Variants in DBF4 observed in about 807,000 individuals in gnomAD.
DBF4 encodes protein DBF4 homolog A.
Under a neutral mutation model 76.6 loss-of-function variants are expected in DBF4, and 25 were observed. The observed-to-expected ratio is 0.33, with a 90% CI of 0.24 to 0.46. The LOEUF (loss-of-function observed/expected upper bound fraction) is 0.46, where lower values mean the gene tolerates loss of function less well. DBF4 is among the 20% of genes least tolerant of loss of function. The pLI, the probability that DBF4 is intolerant of heterozygous loss-of-function variation, is 1.00. For synonymous variants in DBF4, 213 were observed against 258.0 expected (o/e 0.83, Z 1.67); for missense variants, 638 against 760.8 (o/e 0.84, Z 1.90).
Position 87,908,804 on chromosome 7 carries a change from TCTCCTGTGGCTC to T in DBF4, c.*642_*653del, listed in dbSNP as rs1423394883. On this transcript the variant is annotated 3_prime_UTR_variant, in exon 12 of 12. Coordinates refer to ENST00000265728, the MANE Select transcript of DBF4 (RefSeq NM_006716.4). Reference sequence around the variant, plus strand: ...ACTTTAATAATATTCAAAAGTTGACTCTCCTGTGGCTCATGCCACAGGATCCCAGCACTTTGG... The same window carrying T: ...ACTTTAATAATATTCAAAAGTTGACTATGCCACAGGATCCCAGCACTTTGG... 6.6e-6 allele frequency: 1 copy of T among 150,930 alleles called. No homozygotes were observed. The highest frequency in any genetic ancestry group is 1.5e-5 in the Non-Finnish European group (1 of 67,878). 9.3% of individuals were successfully genotyped at this position (150,930 alleles called of 1,614,324 possible). A position where few individuals can be genotyped will look rare whatever the true frequency, so the allele number is the denominator to read the frequency against.
At chr7:87,877,242 C>T (rs775311465) in intron 1 of DBF4, among the ~76,000 whole-genome samples, 2 of 152,216 alleles carry the variant, frequency 1.3e-5, no homozygotes, top group Non-Finnish European at 2.9e-5. Context: ...GTTTATTTTC[C>T]TTTCCTCATA....
chr7:87,886,095 A>G (rs1839342409), intron 3 of DBF4, among the ~76,000 whole-genome samples: 1 of 152,208 alleles, frequency 6.6e-6, no homozygotes, highest in African/African-American at 2.4e-5. Context: ...CAATACATAG[A>G]AGAAAGAATG....
chr7:87,887,482 A>G, intron 5 of DBF4, 84 bp downstream of exon 5: 1 of 1,400,936 alleles, frequency 7.1e-7, no homozygotes, highest in Non-Finnish European at 9.5e-7. Flanking sequence ...ACATAGTGAA[A>G]TTTTGATAGC....
In DBF4 at chr7:87,907,790, T is replaced by C. The variant is rs780740402; in HGVS notation, c.1652T>C (p.Phe551Ser). Reference sequence around the variant, plus strand: ...CTAACTGTTCAGGCAAAGGCTCCATTCCATACTCCTCCTGAGGAACCCAAT... The same window carrying C: ...CTAACTGTTCAGGCAAAGGCTCCATCCCATACTCCTCCTGAGGAACCCAAT... The part of the protein sequence containing the change: ...EHLTVQAKAP[F>S]HTPPEEPNEC... Residue 551 changes from phenylalanine to serine, a missense_variant, in exon 12 of 12, where the codon TTC becomes TCC. Coordinates refer to ENST00000265728, the MANE Select transcript of DBF4 (RefSeq NM_006716.4). The C allele has an allele frequency of 1.9e-6, 3 of 1,614,006 alleles. No homozygotes were observed. In the South Asian group the frequency reaches 3.3e-5, roughly 18 times the overall value.
intron 1 of DBF4, among the ~76,000 whole-genome samples, chr7:87,876,988 C>T (rs940413411): frequency 1.3e-5 from 2 of 152,214 alleles, no homozygotes; most frequent in Non-Finnish European, 2.9e-5. Context: ...CCGTTTACAG[C>T]GGCGGTCCCA....
At chr7:87,903,691 T>C (rs1839846237) in intron 10 of DBF4, among the ~76,000 whole-genome samples, 1 of 88,196 alleles carries the variant, frequency 1.1e-5, no homozygotes, top group African/African-American at 5.2e-5. Flanking sequence ...CTGTATCCCT[T>C]TTTTTTTTTT....
chr7:87,889,784 T>C (rs1839441183), intron 6 of DBF4, among the ~76,000 whole-genome samples: 1 of 152,228 alleles, frequency 6.6e-6, no homozygotes, highest in Non-Finnish European at 1.5e-5. Context: ...TCAGAAGTTT[T>C]ATACCTTGTA....
intron 8 of DBF4, 142 bp downstream of exon 8, chr7:87,897,481 T>C: frequency 1.5e-6 from 1 of 646,792 alleles, no homozygotes. Context: ...CGGCACAAGT[T>C]AACGAAAGTA....
rs1441077927 is a variant in DBF4, at chr7:87,904,224, C to T, written c.925-68C>T. The T allele has an allele frequency of 5.4e-6, 8 of 1,487,620 alleles. No homozygotes were observed. The East Asian group carries it at 1.7e-4, about 31-fold the overall frequency. The allele number at this position is 1,487,620 out of a possible 1,614,324, so 92.2% of individuals were successfully genotyped here. ...TAGGGGCATGAGAATGTTAGAAAAC[C>T]TTAATTAAAAAGGCATCTCTTGATT... On this transcript the variant is annotated intron_variant, in intron 10 of 11. Coordinates refer to ENST00000265728, the MANE Select transcript of DBF4 (RefSeq NM_006716.4).
Position 87,876,500 on chromosome 7 carries a change from C to T in DBF4, c.-233C>T. On this transcript the variant is annotated 5_prime_UTR_variant, in exon 1 of 12. Transcript: ENST00000265728. ...GCCGCGTGACGCGTTTTCAAATCTT[C>T]AACCGCCGCAGCCCACTCGTTTGTG... 2.1e-6 allele frequency: 1 copy of T among 477,156 alleles called. No individual in the cohort carries two copies. Among genetic ancestry groups the T allele is most frequent in the Non-Finnish European group, 3.8e-6 (1 of 266,238 alleles). The allele number at this position is 477,156 out of a possible 1,614,324, so 29.6% of individuals were successfully genotyped here.
intron 4 of DBF4, 125 bp from the exon 5 acceptor site, chr7:87,887,204 C>A: frequency 1.2e-6 from 1 of 802,964 alleles, no homozygotes; most frequent in Non-Finnish European, 1.9e-6. Flanking sequence ...GCTATTGTAA[C>A]TCTATAGGGT....
At chr7:87,882,364 C>G (rs932519158) in intron 2 of DBF4, among the ~76,000 whole-genome samples, 8 of 152,046 alleles carry the variant, frequency 5.3e-5, no homozygotes, top group Non-Finnish European at 1.2e-4. Flanking sequence ...AGAACTGAAA[C>G]TCTTAGTGGA....
rs1839983086 is a variant in DBF4 at position 87,909,169 on chromosome 7, C to A, written c.*1006C>A. The A allele has an allele frequency of 6.6e-6, 1 of 152,012 alleles. No homozygotes were observed. The allele number at this position is 152,012 out of a possible 1,614,324, so 9.4% of individuals were successfully genotyped here. ...TATAGATACAGTTTTGGGATATATACAAGGATTGCCTTGATCTGGCACTTA... is the reference window on the plus strand; with the variant it reads ...TATAGATACAGTTTTGGGATATATAAAAGGATTGCCTTGATCTGGCACTTA... On this transcript the variant is annotated 3_prime_UTR_variant, in exon 12 of 12. Coordinates refer to ENST00000265728, the MANE Select transcript of DBF4 (RefSeq NM_006716.4).
At chr7:87,882,847 CTGAG>C (rs1408112030) in intron 2 of DBF4, among the ~76,000 whole-genome samples, 4 of 152,134 alleles carry the variant, frequency 2.6e-5, no homozygotes, top group South Asian at 2.1e-4. Flanking sequence ...CTTGTGCACT[CTGAG>C]TGGTAGTGTA....
chr7:87,908,344 GAATA>G lies in DBF4; in HGVS notation c.*184_*187del, dbSNP rs1839960756. On this transcript the variant is annotated 3_prime_UTR_variant, in exon 12 of 12. Coordinates refer to ENST00000265728, the MANE Select transcript of DBF4 (RefSeq NM_006716.4). ...GAATACCTGTTAAAGAAAAATTACA[GAATA>G]AACTTGTGACTGGTCTTGTTTTACA... The G allele has an allele frequency of 3.9e-6, 2 of 513,306 alleles. No homozygotes were observed. The highest frequency in any genetic ancestry group is 6.1e-6 in the Non-Finnish European group (2 of 325,920). 31.8% of individuals were successfully genotyped at this position (513,306 alleles called of 1,614,324 possible).
At chr7:87,877,901 C>T in intron 1 of DBF4, 152 bp from the exon 2 acceptor site, 1 of 627,562 alleles carries the variant, frequency 1.6e-6, no homozygotes, top group Non-Finnish European at 2.6e-6. Flanking sequence ...TGCCTCTATC[C>T]TAAGTAGTAC....
Position 87,880,807 on chromosome 7 carries a change from G to A in DBF4, c.219+2582G>A, listed in dbSNP as rs76052048. Among the ~76,000 whole-genome samples, 833 of 152,104 alleles carry A rather than the reference G, an allele frequency of 5.5e-3. 6 individuals are homozygous for A. Among genetic ancestry groups the A allele is most frequent in the African/African-American group, 0.019 (805 of 41,486 alleles). ...ACCTTTAATAGTGCAAGAAAAGTAG[G>A]TGTTACAGAACCATCTAAGGAGGAC... On this transcript the variant is annotated intron_variant, in intron 2 of 11. Coordinates refer to ENST00000265728, the MANE Select transcript of DBF4 (RefSeq NM_006716.4).
At chr7:87,901,116 A>G (rs1839775160) in intron 10 of DBF4, among the ~76,000 whole-genome samples, 1 of 152,126 alleles carries the variant, frequency 6.6e-6, no homozygotes, top group South Asian at 2.1e-4. Flanking sequence ...TGAAGATTAT[A>G]TTCTGTAGGG....
intron 2 of DBF4, among the ~76,000 whole-genome samples, chr7:87,879,103 C>G (rs1584349892): frequency 6.6e-6 from 1 of 152,264 alleles, no homozygotes; most frequent in African/African-American, 2.4e-5. Context: ...CATGTGCCAC[C>G]ACTCCTGGGT....
Sources: allele counts gnomAD v4.1 joint callset (sites outside exome capture counted in the v4.1 genomes callset), GRCh38; gene constraint gnomAD v4.1.1; transcripts MANE v1.5; gene names NCBI Gene and HGNC (gene_info 2026-07-23, HGNC 2026-07-21).